The following STOX1 variants were observed in gnomAD, a reference collection of about 807,000 sequenced individuals.
STOX1 encodes storkhead-box protein 1.
A neutral mutation model predicts 74.8 loss-of-function variants in STOX1; 57 were observed. That is an observed-to-expected ratio of 0.76 (90% CI 0.62 to 0.95). The LOEUF (loss-of-function observed/expected upper bound fraction) is 0.95. Among genes scored for constraint, STOX1 ranks in the 40% least tolerant of loss-of-function variants. STOX1 has a pLI of 0.00. For synonymous variants in STOX1, 375 were observed against 401.3 expected, an observed-to-expected ratio of 0.93 and a Z score of 0.78; for missense variants, 1,010 against 1,117.0, an observed-to-expected ratio of 0.90 and a Z score of 1.37.
intron 1 of STOX1, among the ~76,000 whole-genome samples, chr10:68,878,002 T>C (rs1192697250): frequency 6.6e-6 from 1 of 152,138 alleles, no homozygotes; most frequent in African/African-American, 2.4e-5. Context: ...TCTATGGCTG[T>C]CCTTAGAAAC....
At chr10:68,830,690 A>G (rs1050096442) in intron 1 of STOX1, among the ~76,000 whole-genome samples, 3 of 152,104 alleles carry the variant, frequency 2.0e-5, no homozygotes, top group African/African-American at 7.2e-5. Flanking sequence ...AGCCTTGACC[A>G]TGGCAAGGAC....
chr10:68,832,284 C>T (rs748379337), intron 1 of STOX1, among the ~76,000 whole-genome samples: 57 of 152,206 alleles, frequency 3.7e-4, no homozygotes, highest in African/African-American at 1.3e-3. Context: ...TGGGCGGCCA[C>T]TTGGCCAAAC....
At chr10:68,831,271 T>C (rs1292223636) in intron 1 of STOX1, among the ~76,000 whole-genome samples, 1 of 152,130 alleles carries the variant, frequency 6.6e-6, no homozygotes, top group Non-Finnish European at 1.5e-5. Flanking sequence ...CACCGCAACC[T>C]TCACCTTCTG....
chr10:68,871,338 T>C (rs2131977017), intron 1 of STOX1, among the ~76,000 whole-genome samples: 1 of 152,372 alleles, frequency 6.6e-6, no homozygotes, highest in South Asian at 2.1e-4. Context: ...TTGTGGGGTC[T>C]GTTCCAGGCC....
downstream of STOX1, among the ~76,000 whole-genome samples, chr10:68,894,666 T>A (rs1841161638): frequency 6.6e-6 from 1 of 152,186 alleles, no homozygotes; most frequent in African/African-American, 2.4e-5. Context: ...AGTATAGTTT[T>A]AGGGGGGTCT....
intron 1 of STOX1, among the ~76,000 whole-genome samples, chr10:68,871,546 A>G (rs1031064616): frequency 6.6e-6 from 1 of 152,218 alleles, no homozygotes; most frequent in Admixed American, 6.5e-5. Flanking sequence ...CCATTTGTCT[A>G]GGAGTTAAAA....
intron 1 of STOX1, among the ~76,000 whole-genome samples, chr10:68,860,569 CAAAAA>C (rs11353333): frequency 1.6e-5 from 1 of 63,586 alleles, no homozygotes; most frequent in Non-Finnish European, 2.8e-5. Flanking sequence ...GACTCTGTCT[CAAAAA>C]AAAAAAAAAA....
chr10:68,873,496 C>T (rs1429451301), intron 1 of STOX1, among the ~76,000 whole-genome samples: 3 of 147,948 alleles, frequency 2.0e-5, no homozygotes, highest in African/African-American at 7.5e-5. Context: ...CTCCTGACCT[C>T]GTGATCCACC....
At chr10:68,840,801 A>G (rs1252094069) in intron 1 of STOX1, among the ~76,000 whole-genome samples, 3 of 151,934 alleles carry the variant, frequency 2.0e-5, no homozygotes, top group African/African-American at 7.3e-5. Flanking sequence ...AGTTCAGGTA[A>G]TCTGCCGCCT....
chr10:68,849,059 C>T (rs978422173), intron 1 of STOX1, among the ~76,000 whole-genome samples: 1 of 152,164 alleles, frequency 6.6e-6, no homozygotes, highest in African/African-American at 2.4e-5. Context: ...TCCTGGAGGC[C>T]TCATTCTGTC....
downstream of STOX1, chr10:68,895,401 A>G (rs1018678974): frequency 6.6e-6 from 1 of 152,226 alleles, no homozygotes; most frequent in African/African-American, 2.4e-5. Context: ...CATATAACAC[A>G]GACATTAAAG....
At chr10:68,830,300 C>G (rs1357043992) in intron 1 of STOX1, among the ~76,000 whole-genome samples, 2 of 152,090 alleles carry the variant, frequency 1.3e-5, no homozygotes, top group Non-Finnish European at 2.9e-5. Flanking sequence ...CTTGGGTCTC[C>G]TGGCAGGAAT....
intron 1 of STOX1, among the ~76,000 whole-genome samples, chr10:68,851,415 T>C (rs1839980877): frequency 6.6e-6 from 1 of 152,114 alleles, no homozygotes; most frequent in South Asian, 2.1e-4. Flanking sequence ...TATGATCCAA[T>C]TGTGGTAGTA....
chr10:68,834,973 G>A (rs1303697141), intron 1 of STOX1, among the ~76,000 whole-genome samples: 1 of 151,740 alleles, frequency 6.6e-6, no homozygotes, highest in East Asian at 1.9e-4. Context: ...ATCCATCTGC[G>A]TTGGCCTCCC....
chr10:68,848,479 G>A (rs554601021), intron 1 of STOX1, among the ~76,000 whole-genome samples: 9 of 152,228 alleles, frequency 5.9e-5, no homozygotes, highest in Middle Eastern at 6.8e-3. Flanking sequence ...GGGGAGGAGG[G>A]CCTTCAGATA....
At chr10:68,848,415 C>T (rs1589221117) in intron 1 of STOX1, among the ~76,000 whole-genome samples, 1 of 152,278 alleles carries the variant, frequency 6.6e-6, no homozygotes. Context: ...TGTGGGCTTT[C>T]CATGCTACTG....
intron 1 of STOX1, among the ~76,000 whole-genome samples, chr10:68,878,321 A>C (rs1840729577): frequency 6.6e-6 from 1 of 152,128 alleles, no homozygotes; most frequent in African/African-American, 2.4e-5. Context: ...AGGAAAAAAG[A>C]AAAGAGGGAG....
Position 68,892,633 on chromosome 10 carries a change from T to C in STOX1, c.2867T>C (p.Leu956Pro). 1 of 1,613,530 alleles carries C rather than the reference T, an allele frequency of 6.2e-7. No individual in the cohort carries two copies. Among genetic ancestry groups the C allele is most frequent in the South Asian group, 1.1e-5 (1 of 91,076 alleles). ...GSNNSVILDG[L>P]KRRQNFLQNV... ...AATAATTCAGTCATTTTGGATGGAC[T>C]AAAAAGAAGACAGAATTTTCTGCAA... is the stretch of plus-strand genomic sequence containing the variant. Residue 956 changes from leucine (L) to proline (P), a missense_variant, in exon 4 of 4, where the codon CTA (leucine) becomes CCA (proline). Transcript: ENST00000298596.
intron 1 of STOX1, among the ~76,000 whole-genome samples, chr10:68,864,719 C>G (rs1319558661): frequency 6.6e-6 from 1 of 152,198 alleles, no homozygotes; most frequent in Non-Finnish European, 1.5e-5. Context: ...TTCTCTGGAT[C>G]TGTTTATTTG....
Sources: allele counts gnomAD v4.1 joint callset (sites outside exome capture counted in the v4.1 genomes callset), GRCh38; gene constraint gnomAD v4.1.1; transcripts MANE v1.5; gene names NCBI Gene and HGNC (gene_info 2026-07-23, HGNC 2026-07-21).